The following IL23R variants were observed in gnomAD, a reference collection of about 807,000 sequenced individuals.
IL23R encodes the protein interleukin 23 receptor.
A neutral mutation model predicts 56.9 loss-of-function variants in IL23R; 34 were observed. That is an observed-to-expected ratio of 0.60 (90% CI 0.45 to 0.80). The LOEUF (loss-of-function observed/expected upper bound fraction) is 0.80, where lower values mean the gene tolerates loss of function less well. Among genes scored for constraint, IL23R ranks in the 30% least tolerant of loss-of-function variants. The pLI is 0.00. For missense variants in IL23R, 635 were observed against 730.0 expected, an observed-to-expected ratio of 0.87 and a Z score of 1.50; for synonymous variants, 230 against 249.2, an observed-to-expected ratio of 0.92 and a Z score of 0.73.
intron 5 of IL23R, among the ~76,000 whole-genome samples, chr1:67,205,911 C>CT (rs71702698): frequency 1.0e-5 from 1 of 97,310 alleles, no homozygotes; most frequent in East Asian, 3.2e-4. Context: ...TTCTTTCTTT[C>CT]TTTCTTTCTT....
At chr1:67,155,086 AT>A (rs1646760148) in intron 1 of IL23R, among the ~76,000 whole-genome samples, 2 of 152,168 alleles carry the variant, frequency 1.3e-5, no homozygotes, top group African/African-American at 2.4e-5. Context: ...TGGGTTGAAA[AT>A]TCTTTTCTAT....
intron 5 of IL23R, among the ~76,000 whole-genome samples, chr1:67,202,463 C>T (rs1393975173): frequency 1.3e-5 from 2 of 152,204 alleles, no homozygotes; most frequent in Non-Finnish European, 2.9e-5. Context: ...GTCTCAAACT[C>T]CTGAGTTCAG....
At chr1:67,174,578 T>A (rs1646984691) in intron 3 of IL23R, among the ~76,000 whole-genome samples, 1 of 151,884 alleles carries the variant, frequency 6.6e-6, no homozygotes, top group Admixed American at 6.6e-5. Context: ...CTCTGAGCAG[T>A]CAAGTGTCCC....
chr1:67,215,899 C>T (rs1649801495), intron 6 of IL23R, among the ~76,000 whole-genome samples: 1 of 152,112 alleles, frequency 6.6e-6, no homozygotes, highest in African/African-American at 2.4e-5. Flanking sequence ...ATTTTTTCTG[C>T]CAATTCCCTA....
chr1:67,187,603 A>C (rs2102596250), intron 4 of IL23R, among the ~76,000 whole-genome samples: 1 of 152,306 alleles, frequency 6.6e-6, no homozygotes, highest in Non-Finnish European at 1.5e-5. Flanking sequence ...GAGTACTAAG[A>C]TTGTTCTCAG....
At chr1:67,195,472 G>T (rs1648076221) in intron 4 of IL23R, among the ~76,000 whole-genome samples, 1 of 152,174 alleles carries the variant, frequency 6.6e-6, no homozygotes, top group Non-Finnish European at 1.5e-5. Context: ...TGAGTAAACT[G>T]AGCTGTATAG....
chr1:67,193,319 T>C (rs907741555), intron 4 of IL23R, among the ~76,000 whole-genome samples: 2 of 152,196 alleles, frequency 1.3e-5, no homozygotes, highest in African/African-American at 4.8e-5. Flanking sequence ...CATACATAGA[T>C]CAGATTCTAT....
At chr1:67,171,359 C>T (rs1377075391) in intron 3 of IL23R, among the ~76,000 whole-genome samples, 1 of 152,090 alleles carries the variant, frequency 6.6e-6, no homozygotes, top group Admixed American at 6.6e-5. Context: ...GGCAGCATCT[C>T]TTTCTAAAAA....
At chr1:67,212,018 C>G (rs1387435479) in intron 6 of IL23R, among the ~76,000 whole-genome samples, 1 of 152,178 alleles carries the variant, frequency 6.6e-6, no homozygotes, top group Non-Finnish European at 1.5e-5. Context: ...CCGTCAGTAA[C>G]TAAGTGCCTC....
intron 9 of IL23R, among the ~76,000 whole-genome samples, chr1:67,248,040 C>A (rs1652356354): frequency 6.6e-6 from 1 of 152,102 alleles, no homozygotes; most frequent in African/African-American, 2.4e-5. Context: ...TCTGGCTGCC[C>A]TTAACATTTT....
At chr1:67,173,586 C>G (rs1216436757) in intron 3 of IL23R, among the ~76,000 whole-genome samples, 1 of 152,158 alleles carries the variant, frequency 6.6e-6, no homozygotes, top group African/African-American at 2.4e-5. Flanking sequence ...CCCAGTTTCT[C>G]TCCATTGTAA....
intron 1 of IL23R, among the ~76,000 whole-genome samples, chr1:67,157,765 C>G (rs932150783): frequency 6.6e-6 from 1 of 152,230 alleles, no homozygotes; most frequent in African/African-American, 2.4e-5. Context: ...ACTTAATTTT[C>G]TCCAAGTGCT....
chr1:67,234,457 A>G (rs1430879590), intron 7 of IL23R, among the ~76,000 whole-genome samples: 1 of 152,210 alleles, frequency 6.6e-6, no homozygotes, highest in Non-Finnish European at 1.5e-5. Flanking sequence ...GTCAGATATG[A>G]AAATTGTTTT....
chr1:67,181,887 C>T (rs1232661403), intron 3 of IL23R, among the ~76,000 whole-genome samples: 1 of 152,182 alleles, frequency 6.6e-6, no homozygotes, highest in Non-Finnish European at 1.5e-5. Context: ...TTGGAGTTTG[C>T]TGGAGGTCCA....
chr1:67,226,844 A>T (rs1265716487), intron 7 of IL23R, among the ~76,000 whole-genome samples: 1 of 152,130 alleles, frequency 6.6e-6, no homozygotes, highest in African/African-American at 2.4e-5. Flanking sequence ...TATCTCTAGT[A>T]CTATCTGGTC....
intron 7 of IL23R, among the ~76,000 whole-genome samples, chr1:67,224,654 A>G (rs1650500343): frequency 6.6e-6 from 1 of 152,250 alleles, no homozygotes; most frequent in East Asian, 1.9e-4. Flanking sequence ...CTTATAATCA[A>G]CTTTAATGAC....
intron 1 of IL23R, among the ~76,000 whole-genome samples, chr1:67,149,319 C>T (rs1210701506): frequency 6.6e-6 from 1 of 152,142 alleles, no homozygotes; most frequent in Non-Finnish European, 1.5e-5. Context: ...GTGGGGAAAG[C>T]AGATTTGCAG....
chr1:67,242,307 A>T (rs1465986123), intron 9 of IL23R, among the ~76,000 whole-genome samples: 1 of 152,202 alleles, frequency 6.6e-6, no homozygotes, highest in Non-Finnish European at 1.5e-5. Flanking sequence ...TCTTTTATCC[A>T]TCAAAGTATA....
intron 10 of IL23R, among the ~76,000 whole-genome samples, chr1:67,257,223 A>C (rs1309772779): frequency 6.6e-6 from 1 of 152,156 alleles, no homozygotes; most frequent in African/African-American, 2.4e-5. Context: ...GAGACTAAGG[A>C]ATGCTTAGTC....
Sources: gnomAD v4.1 joint callset for allele counts (sites outside exome capture counted in the v4.1 genomes callset) on GRCh38, gnomAD v4.1.1 for gene constraint, MANE v1.5 for transcripts, NCBI Gene and HGNC (gene_info 2026-07-23, HGNC 2026-07-21) for gene names.